The following LDAH variants were observed in gnomAD, a reference collection of about 807,000 sequenced individuals.
LDAH encodes lipid droplet associated hydrolase, also known as lipid droplet-associated hydrolase.
In LDAH, 26 loss-of-function variants were observed where a neutral mutation model predicts 29.6. The observed-to-expected ratio is 0.88, with a 90% CI of 0.64 to 1.22. LDAH has a LOEUF of 1.22. Ranked by LOEUF, LDAH falls within the 50% of genes most tolerant of loss-of-function variation. LDAH has a pLI of 0.00. For missense variants in LDAH, 344 were observed against 387.3 expected, an observed-to-expected ratio of 0.89 and a Z score of 0.94; for synonymous variants, 117 against 133.0, an observed-to-expected ratio of 0.88 and a Z score of 0.83.
rs191776286 is a variant in LDAH at position 20,815,244 on chromosome 2, G to C, written c.-3+7793C>G. Among the ~76,000 whole-genome samples the C allele has an allele frequency of 3.3e-5, 5 of 152,124 alleles. No homozygotes were observed. In the East Asian group the frequency reaches 9.7e-4, roughly 29 times the overall value. On this transcript the variant is annotated intron_variant, in intron 1 of 6. Coordinates refer to ENST00000237822, the MANE Select transcript of LDAH (RefSeq NM_021925.4). ...CAGATCAACAGAATTTACTTAGTCT[G>C]AACACAGAAAAACAGACAAAGAAAC...
At chr2:20,780,753 T>A (rs181883281) in intron 3 of LDAH, among the ~76,000 whole-genome samples, 1 of 152,300 alleles carries the variant, frequency 6.6e-6, no homozygotes, top group Admixed American at 6.5e-5. Flanking sequence ...ATTTGCTTGA[T>A]TCCTAACTTC....
At chr2:20,710,762 C>CACATATACATATATATACACAT (rs1553336656) in intron 5 of LDAH, among the ~76,000 whole-genome samples, 19 of 145,964 alleles carry the variant, frequency 1.3e-4, no homozygotes, top group African/African-American at 5.0e-4. Flanking sequence ...TATATATACA[C>CACATATACATATATATACACAT]ATATATATGA....
intron 2 of LDAH, among the ~76,000 whole-genome samples, chr2:20,798,992 T>C (rs1671488646): frequency 6.6e-6 from 1 of 152,026 alleles, no homozygotes; most frequent in Non-Finnish European, 1.5e-5. Context: ...TTTGGGAGGC[T>C]GGGGTGGGCA....
chr2:20,705,036 C>T (rs577101248), intron 5 of LDAH, among the ~76,000 whole-genome samples: 1 of 152,282 alleles, frequency 6.6e-6, no homozygotes, highest in Admixed American at 6.5e-5. Context: ...CTGTTCATGA[C>T]TTTCTCATTC....
At chr2:20,736,346 G>A (rs1036968788) in intron 5 of LDAH, among the ~76,000 whole-genome samples, 1 of 152,086 alleles carries the variant, frequency 6.6e-6, no homozygotes, top group African/African-American at 2.4e-5. Flanking sequence ...GGAGACTGAG[G>A]CAGGAGAATT....
chr2:20,761,728 T>TC (rs1309983611), intron 4 of LDAH, among the ~76,000 whole-genome samples: 3 of 151,592 alleles, frequency 2.0e-5, no homozygotes, highest in South Asian at 2.1e-4. Flanking sequence ...GGAAGCCCAA[T>TC]CCCCCCCATT....
At chr2:20,809,027 T>A (rs998647712) in intron 1 of LDAH, among the ~76,000 whole-genome samples, 1 of 152,026 alleles carries the variant, frequency 6.6e-6, no homozygotes, top group African/African-American at 2.4e-5. Context: ...AAAGATAACA[T>A]TGGAACATAC....
chr2:20,799,344 T>C (rs1671512433), intron 2 of LDAH, among the ~76,000 whole-genome samples: 1 of 152,136 alleles, frequency 6.6e-6, no homozygotes, highest in Non-Finnish European at 1.5e-5. Flanking sequence ...TTTTGGTTAT[T>C]ATTTATTTTT....
intron 3 of LDAH, among the ~76,000 whole-genome samples, chr2:20,786,386 C>T (rs1205877625): frequency 6.6e-6 from 1 of 152,082 alleles, no homozygotes; most frequent in African/African-American, 2.4e-5. Flanking sequence ...GATGGGGTTT[C>T]ATCACGTTGG....
intron 4 of LDAH, among the ~76,000 whole-genome samples, 178 bp from the exon 5 acceptor site, chr2:20,740,383 C>T (rs921570601): frequency 1.3e-5 from 2 of 152,204 alleles, no homozygotes; most frequent in African/African-American, 4.8e-5. Context: ...AAAATCACAG[C>T]TCACTGCAGC....
intron 5 of LDAH, among the ~76,000 whole-genome samples, chr2:20,702,693 CTT>C (rs1401442985): frequency 3.3e-5 from 5 of 152,102 alleles, no homozygotes; most frequent in Non-Finnish European, 7.4e-5. Context: ...AAACTGCAAA[CTT>C]ACTTTTTATT....
intron 5 of LDAH, among the ~76,000 whole-genome samples, chr2:20,702,914 C>T (rs1018385296): frequency 1.6e-4 from 25 of 152,218 alleles, no homozygotes; most frequent in African/African-American, 5.3e-4. Context: ...CTCACGGCCA[C>T]CTCCCAGGTT....
intron 2 of LDAH, among the ~76,000 whole-genome samples, chr2:20,796,475 C>T (rs901710794): frequency 1.3e-5 from 2 of 152,174 alleles, no homozygotes; most frequent in African/African-American, 4.8e-5. Flanking sequence ...CTCTGAAAGC[C>T]TTGACCCTTA....
At chr2:20,749,052 T>A (rs1420804475) in intron 4 of LDAH, among the ~76,000 whole-genome samples, 3 of 152,186 alleles carry the variant, frequency 2.0e-5, no homozygotes, top group Non-Finnish European at 4.4e-5. Flanking sequence ...CATTTGTTCA[T>A]TCATGAAGAT....
chr2:20,700,420 T>G (rs1414551603), intron 6 of LDAH, among the ~76,000 whole-genome samples: 2 of 152,214 alleles, frequency 1.3e-5, no homozygotes, highest in Admixed American at 1.3e-4. Flanking sequence ...TATACACTTC[T>G]CGTTTTAAGA....
intron 4 of LDAH, among the ~76,000 whole-genome samples, chr2:20,761,000 G>A (rs191030253): frequency 1.3e-5 from 2 of 152,202 alleles, no homozygotes; most frequent in East Asian, 3.9e-4. Context: ...AAACATTTGT[G>A]CTATCCAATT....
chr2:20,791,945 T>C (rs1192487742), intron 2 of LDAH, among the ~76,000 whole-genome samples: 1 of 152,186 alleles, frequency 6.6e-6, no homozygotes, highest in Non-Finnish European at 1.5e-5. Flanking sequence ...CAGTTTATTT[T>C]TCCTTTTCTC....
intron 6 of LDAH, among the ~76,000 whole-genome samples, chr2:20,700,099 T>G (rs932270870): frequency 6.6e-6 from 1 of 152,228 alleles, no homozygotes; most frequent in Non-Finnish European, 1.5e-5. Context: ...CTGGAAGAAC[T>G]TAAATGCATT....
intron 5 of LDAH, among the ~76,000 whole-genome samples, chr2:20,702,151 T>C (rs559033845): frequency 6.6e-6 from 1 of 152,252 alleles, no homozygotes; most frequent in Admixed American, 6.5e-5. Context: ...TTAGTCCCAT[T>C]ACACTGGCTG....
Sources: allele counts gnomAD v4.1 joint callset (sites outside exome capture counted in the v4.1 genomes callset), GRCh38; gene constraint gnomAD v4.1.1; transcripts MANE v1.5; gene names NCBI Gene and HGNC (gene_info 2026-07-23, HGNC 2026-07-21).